MARCHF4: variants seen among roughly 807,000 people sequenced by gnomAD.
The protein encoded by MARCHF4 is membrane associated ring-CH-type finger 4.
Under a neutral mutation model 43.9 loss-of-function variants are expected in MARCHF4, and 14 were observed. The observed-to-expected ratio is 0.32, with a 90% CI of 0.21 to 0.50. The LOEUF is 0.50. MARCHF4 is among the 20% of genes least tolerant of loss of function. The pLI is 0.98. For synonymous variants in MARCHF4, 226 were observed against 213.3 expected (o/e 1.06, Z -0.52); for missense variants, 468 against 536.7 (o/e 0.87, Z 1.27).
chr2:216,304,846 C>A (rs1160287023), intron 1 of MARCHF4, among the ~76,000 whole-genome samples: 3 of 151,978 alleles, frequency 2.0e-5, no homozygotes, highest in Non-Finnish European at 4.4e-5. Flanking sequence ...CCCAACTACT[C>A]AGAAGGCTGA....
chr2:216,343,177 A>G (rs1441502116), intron 1 of MARCHF4, among the ~76,000 whole-genome samples: 1 of 152,172 alleles, frequency 6.6e-6, no homozygotes, highest in East Asian at 1.9e-4. Context: ...AAGATTTGCT[A>G]GTGGGGTATC....
intron 1 of MARCHF4, among the ~76,000 whole-genome samples, chr2:216,345,766 C>T (rs1692310321): frequency 6.6e-6 from 1 of 152,188 alleles, no homozygotes; most frequent in African/African-American, 2.4e-5. Flanking sequence ...GAATTTCGGG[C>T]TCTACCCCAG....
intron 1 of MARCHF4, among the ~76,000 whole-genome samples, chr2:216,325,521 C>T (rs1691974161): frequency 6.6e-6 from 1 of 152,008 alleles, no homozygotes; most frequent in Admixed American, 6.6e-5. Flanking sequence ...AATCCTAAGC[C>T]AAAAGAACAA....
intron 1 of MARCHF4, among the ~76,000 whole-genome samples, chr2:216,339,242 G>A (rs1692203206): frequency 6.6e-6 from 1 of 152,206 alleles, no homozygotes; most frequent in South Asian, 2.1e-4. Context: ...GGAGAAGACA[G>A]TAAATGAAAT....
At chr2:216,290,891 T>G (rs1376159573) in intron 1 of MARCHF4, among the ~76,000 whole-genome samples, 1 of 152,028 alleles carries the variant, frequency 6.6e-6, no homozygotes, top group Admixed American at 6.6e-5. Context: ...GAGGAAAGAT[T>G]GGGAGCTCAG....
chr2:216,282,478 C>T (rs534951967), intron 2 of MARCHF4, among the ~76,000 whole-genome samples: 14 of 152,238 alleles, frequency 9.2e-5, no homozygotes, highest in Admixed American at 7.8e-4. Context: ...CCCCCCTCCA[C>T]CACCACCCCA....
intron 1 of MARCHF4, among the ~76,000 whole-genome samples, chr2:216,312,766 G>C (rs1454059063): frequency 6.6e-6 from 1 of 152,048 alleles, no homozygotes; most frequent in African/African-American, 2.4e-5. Context: ...GTTCCCTGTA[G>C]GTTCTGGACA....
chr2:216,328,649 C>T (rs1160594559), intron 1 of MARCHF4, among the ~76,000 whole-genome samples: 1 of 152,176 alleles, frequency 6.6e-6, no homozygotes, highest in African/African-American at 2.4e-5. Flanking sequence ...TGAAGGGCAA[C>T]TCAAAGAGTA....
chr2:216,340,723 G>A (rs2105974259), intron 1 of MARCHF4, among the ~76,000 whole-genome samples: 1 of 152,344 alleles, frequency 6.6e-6, no homozygotes, highest in Non-Finnish European at 1.5e-5. Flanking sequence ...AGGAGACAGA[G>A]CTGTCTATGA....
At chr2:216,307,878 T>G (rs1205912390) in intron 1 of MARCHF4, among the ~76,000 whole-genome samples, 1 of 151,706 alleles carries the variant, frequency 6.6e-6, no homozygotes, top group East Asian at 1.9e-4. Context: ...GACCCCTATC[T>G]CTACAGAAAA....
chr2:216,344,549 T>C (rs1013099022), intron 1 of MARCHF4, among the ~76,000 whole-genome samples: 3 of 151,986 alleles, frequency 2.0e-5, no homozygotes, highest in Non-Finnish European at 4.4e-5. Flanking sequence ...GAATGGGAAA[T>C]TGAGAATACT....
At chr2:216,323,139 C>G (rs557234982) in intron 1 of MARCHF4, among the ~76,000 whole-genome samples, 13 of 152,236 alleles carry the variant, frequency 8.5e-5, no homozygotes, top group African/African-American at 3.1e-4. Flanking sequence ...GATGTTCAAA[C>G]TGATACCCTA....
intron 1 of MARCHF4, among the ~76,000 whole-genome samples, chr2:216,335,266 A>G (rs1297852738): frequency 6.6e-6 from 1 of 152,238 alleles, no homozygotes. Flanking sequence ...AAACCATCAG[A>G]AGGATTTAAA....
At chr2:216,368,623 G>T (rs1692703967) in intron 1 of MARCHF4, among the ~76,000 whole-genome samples, 1 of 152,206 alleles carries the variant, frequency 6.6e-6, no homozygotes, top group Admixed American at 6.5e-5. Context: ...GCCAGTCAAA[G>T]CCTGGCATGG....
intron 1 of MARCHF4, among the ~76,000 whole-genome samples, chr2:216,310,420 C>A (rs1691665890): frequency 1.3e-5 from 2 of 152,086 alleles, no homozygotes; most frequent in African/African-American, 4.8e-5. Flanking sequence ...TGACACCAAG[C>A]CCAGCTAATT....
At chr2:216,369,696 A>G in intron 1 of MARCHF4, 49 bp downstream of exon 1, 2 of 1,475,980 alleles carry the variant, frequency 1.4e-6, no homozygotes, top group Non-Finnish European at 1.8e-6. Context: ...AGCAATCTGC[A>G]AGACCTGAAA....
At chr2:216,263,839 AG>A (rs1478566273) in intron 3 of MARCHF4, among the ~76,000 whole-genome samples, 2 of 152,108 alleles carry the variant, frequency 1.3e-5, no homozygotes, top group African/African-American at 4.8e-5. Context: ...CATGAAGTGC[AG>A]GGGGGCACGG....
chr2:216,353,888 C>A (rs750185696), intron 1 of MARCHF4, among the ~76,000 whole-genome samples: 2 of 152,156 alleles, frequency 1.3e-5, no homozygotes, highest in Admixed American at 6.6e-5. Flanking sequence ...ACAATGCCTA[C>A]TCTTCCCTCC....
chr2:216,351,691 A>G (rs1692406861), intron 1 of MARCHF4, among the ~76,000 whole-genome samples: 1 of 152,306 alleles, frequency 6.6e-6, no homozygotes, highest in Middle Eastern at 3.4e-3. Context: ...CGATATGGCT[A>G]TGGCTAGCAC....
Sources: allele counts gnomAD v4.1 joint callset (sites outside exome capture counted in the v4.1 genomes callset), GRCh38; gene constraint gnomAD v4.1.1; transcripts MANE v1.5; gene names NCBI Gene and HGNC (gene_info 2026-07-23, HGNC 2026-07-21).